PACRG: variants seen among roughly 807,000 people sequenced by gnomAD.
PACRG encodes parkin coregulated gene protein.
PACRG carries 29 observed loss-of-function variants against 29.7 expected under a neutral mutation model. That is an observed-to-expected ratio of 0.98 (90% confidence interval 0.73 to 1.33). The LOEUF is 1.33. Among genes scored for constraint, PACRG ranks in the 40% most tolerant of loss-of-function variants. The pLI, the probability that PACRG is intolerant of heterozygous loss-of-function variation, is 0.00. For synonymous variants in PACRG, 116 were observed against 118.7 expected (o/e 0.98, Z 0.15); for missense variants, 279 against 316.2 (o/e 0.88, Z 0.89).
chr6:163,018,378 A>G (rs1806296977), intron 2 of PACRG, among the ~76,000 whole-genome samples: 2 of 152,168 alleles, frequency 1.3e-5, no homozygotes. Flanking sequence ...GCCTCACCAG[A>G]TAGTTTGGTT....
At chr6:163,100,043 G>A (rs1359886507) in intron 4 of PACRG, among the ~76,000 whole-genome samples, 2 of 151,988 alleles carry the variant, frequency 1.3e-5, no homozygotes, top group East Asian at 2.0e-4. Flanking sequence ...GGAATTCCCC[G>A]CCGCTGAGGT....
chr6:162,885,674 T>G (rs1794273706), intron 2 of PACRG, among the ~76,000 whole-genome samples: 1 of 152,218 alleles, frequency 6.6e-6, no homozygotes, highest in East Asian at 1.9e-4. Context: ...CTGTATTTCC[T>G]TGAGGAGCAG....
chr6:162,831,299 A>G (rs1788753119), intron 2 of PACRG, among the ~76,000 whole-genome samples: 3 of 152,096 alleles, frequency 2.0e-5, no homozygotes, highest in Non-Finnish European at 4.4e-5. Context: ...ATTGCTTTTC[A>G]TTGTTTTATT....
chr6:163,174,005 C>T (rs1186715728), intron 4 of PACRG, among the ~76,000 whole-genome samples: 1 of 152,236 alleles, frequency 6.6e-6, no homozygotes, highest in Non-Finnish European at 1.5e-5. Flanking sequence ...CCTTTGACTA[C>T]TCTGTGCAAG....
At chr6:162,757,305 G>C (rs1314147736) in intron 1 of PACRG, among the ~76,000 whole-genome samples, 1 of 152,038 alleles carries the variant, frequency 6.6e-6, no homozygotes, top group Non-Finnish European at 1.5e-5. Context: ...GAATATCACT[G>C]TCTACTGTGA....
At chr6:163,080,149 C>T (rs182686301) in intron 3 of PACRG, among the ~76,000 whole-genome samples, 8 of 152,142 alleles carry the variant, frequency 5.3e-5, no homozygotes, top group East Asian at 1.9e-4. Context: ...CTGCCCGCCT[C>T]GGCCTCCCAA....
chr6:162,996,906 A>G (rs1353030204), intron 2 of PACRG, among the ~76,000 whole-genome samples: 3 of 152,182 alleles, frequency 2.0e-5, no homozygotes, highest in Non-Finnish European at 4.4e-5. Context: ...TGTAGACTGG[A>G]GAATCCTATA....
intron 3 of PACRG, among the ~76,000 whole-genome samples, chr6:163,065,149 A>G (rs1269926566): frequency 6.6e-6 from 1 of 152,126 alleles, no homozygotes; most frequent in Non-Finnish European, 1.5e-5. Flanking sequence ...TTCTGGCACA[A>G]CTACTGCTGC....
In PACRG at chr6:162,814,095, T is replaced by A. The variant is rs1443623220; in HGVS notation, c.157-52T>A. The A allele has an allele frequency of 2.0e-6, 3 of 1,507,856 alleles. No individual in the cohort carries two copies. In the East Asian group the frequency reaches 6.9e-5, roughly 35 times the overall value. 93.4% of individuals were successfully genotyped at this position (1,507,856 alleles called of 1,614,324 possible). On this transcript the variant is annotated intron_variant, in intron 1 of 4. Coordinates refer to ENST00000366888, the MANE Select transcript of PACRG (RefSeq NM_001080379.2). The stretch of plus-strand genomic sequence containing the variant: ...AAACAGAAAGTTCTTTTATTATGAA[T>A]TTTTTTAGTATGTCTTAAAACCTGA...
chr6:163,212,518 T>C (rs533778489), intron 4 of PACRG, among the ~76,000 whole-genome samples: 1 of 152,292 alleles, frequency 6.6e-6, no homozygotes, highest in East Asian at 1.9e-4. Context: ...AAAGGAGACA[T>C]GTGCAGGGGA....
intron 2 of PACRG, among the ~76,000 whole-genome samples, chr6:162,826,219 C>T (rs953762469): frequency 6.6e-6 from 1 of 151,992 alleles, no homozygotes; most frequent in Non-Finnish European, 1.5e-5. Flanking sequence ...ATGTGTATTG[C>T]ATGATTGTGT....
intron 2 of PACRG, among the ~76,000 whole-genome samples, chr6:163,060,630 C>T (rs900441694): frequency 6.6e-6 from 1 of 152,144 alleles, no homozygotes; most frequent in Non-Finnish European, 1.5e-5. Flanking sequence ...ATTGGCTGGA[C>T]TCCCTCTACA....
intron 1 of PACRG, among the ~76,000 whole-genome samples, chr6:162,795,751 TAA>T (rs1269089255): frequency 2.0e-5 from 3 of 152,246 alleles, no homozygotes; most frequent in Non-Finnish European, 2.9e-5. Flanking sequence ...TTCTAATTTT[TAA>T]GTCTTGTTTA....
intron 2 of PACRG, among the ~76,000 whole-genome samples, chr6:162,997,078 G>C (rs1804134775): frequency 6.6e-6 from 1 of 152,140 alleles, no homozygotes; most frequent in Admixed American, 6.5e-5. Flanking sequence ...TTGTCATTTT[G>C]TGATGTTCAA....
intron 4 of PACRG, chr6:163,101,355 T>G (rs1815073842): frequency 2.0e-6 from 2 of 981,920 alleles, no homozygotes; most frequent in Non-Finnish European, 2.4e-6. Flanking sequence ...GATATTTATT[T>G]GTGTACATCG....
intron 2 of PACRG, among the ~76,000 whole-genome samples, chr6:162,890,667 T>C (rs1308270916): frequency 1.3e-5 from 2 of 152,316 alleles, no homozygotes; most frequent in East Asian, 1.9e-4. Context: ...GACCCCGCAC[T>C]GTACCTGATT....
chr6:163,130,409 C>T (rs1387849606), intron 4 of PACRG, among the ~76,000 whole-genome samples: 1 of 152,184 alleles, frequency 6.6e-6, no homozygotes, highest in Non-Finnish European at 1.5e-5. Context: ...TTTTTCCCCA[C>T]TTTGCCCTTC....
chr6:162,780,261 C>T (rs755258948), intron 1 of PACRG, among the ~76,000 whole-genome samples: 13 of 152,008 alleles, frequency 8.6e-5, no homozygotes, highest in Non-Finnish European at 5.9e-5. Flanking sequence ...AAGGATCCTC[C>T]CACACTAAGA....
At position 163,254,654 on chromosome 6, in the gene PACRG, A is replaced by G. The variant is rs143702985; in HGVS notation, c.614-60173A>G. ...TCCAAGTAAGCCATGTGTTACCCAT[A>G]ATTGATCAAGGGAAGATAACAGCCA... On this transcript the variant is annotated intron_variant, in intron 4 of 4. Transcript: ENST00000366888. 1.3e-3 allele frequency among the ~76,000 whole-genome samples: 198 copies of G among 152,286 alleles called. 2 individuals are homozygous for G. Among genetic ancestry groups the G allele is most frequent in the African/African-American group, 4.6e-3 (193 of 41,558 alleles).
Sources: gnomAD v4.1 joint callset for allele counts (sites outside exome capture counted in the v4.1 genomes callset) on GRCh38, gnomAD v4.1.1 for gene constraint, MANE v1.5 for transcripts, NCBI Gene and HGNC (gene_info 2026-07-23, HGNC 2026-07-21) for gene names.